The following CTNNA3 variants were observed in gnomAD, a reference collection of about 807,000 sequenced individuals.
CTNNA3 encodes the protein catenin alpha-3.
Under a neutral mutation model 95.7 loss-of-function variants are expected in CTNNA3, and 76 were observed. The ratio of observed to expected loss-of-function variants is 0.79; its 90% CI spans 0.66 to 0.96. The LOEUF (loss-of-function observed/expected upper bound fraction) is 0.96, where lower values mean the gene tolerates loss of function less well. Among genes scored for constraint, CTNNA3 ranks in the 40% least tolerant of loss-of-function variants. The pLI, the probability that CTNNA3 is intolerant of heterozygous loss-of-function variation, is 0.00. For missense variants in CTNNA3, 1,191 were observed against 1,089.8 expected, an observed-to-expected ratio of 1.09 and a Z score of -1.31; for synonymous variants, 431 against 374.4, an observed-to-expected ratio of 1.15 and a Z score of -1.74.
At chr10:67,364,658 A>G (rs895879760) in intron 5 of CTNNA3, among the ~76,000 whole-genome samples, 1 of 152,194 alleles carries the variant, frequency 6.6e-6, no homozygotes, top group African/African-American at 2.4e-5. Flanking sequence ...CTAGGAATCC[A>G]ACTTAAAAGT....
At chr10:67,433,306 C>T (rs978102203) in intron 5 of CTNNA3, among the ~76,000 whole-genome samples, 1 of 152,102 alleles carries the variant, frequency 6.6e-6, no homozygotes, top group African/African-American at 2.4e-5. Context: ...TTAAGTTCAC[C>T]ATCTCAAATG....
chr10:67,581,756 A>G (rs985862870), intron 3 of CTNNA3, among the ~76,000 whole-genome samples: 5 of 152,244 alleles, frequency 3.3e-5, no homozygotes, highest in African/African-American at 9.6e-5. Context: ...TGGTCTATTC[A>G]GGGATTCAAC....
intron 9 of CTNNA3, among the ~76,000 whole-genome samples, chr10:66,738,327 T>G (rs1329749149): frequency 6.6e-6 from 1 of 152,220 alleles, no homozygotes; most frequent in East Asian, 1.9e-4. Context: ...CATAGTTAGC[T>G]GATTCTGTTT....
chr10:66,552,866 TC>T (rs1317071988), intron 10 of CTNNA3, among the ~76,000 whole-genome samples: 2 of 152,078 alleles, frequency 1.3e-5, no homozygotes, highest in African/African-American at 4.8e-5. Flanking sequence ...TTCCTTTTTT[TC>T]CGTTTAGCCT....
Position 66,788,136 on chromosome 10 carries a change from T to A in CTNNA3, c.1048-12612A>T, listed in dbSNP as rs1271872116. Among the ~76,000 whole-genome samples, 3 of 152,306 alleles carry A rather than the reference T, an allele frequency of 2.0e-5. No homozygotes were observed. In the East Asian group the frequency reaches 5.8e-4, roughly 29 times the overall value. Reference sequence around the variant, plus strand: ...AAATTTCACTTAATCAATGATATCATCTAGTTTGATTCAGAGGGGTTCAGA... The same window carrying A: ...AAATTTCACTTAATCAATGATATCAACTAGTTTGATTCAGAGGGGTTCAGA... On this transcript the variant is annotated intron_variant, in intron 7 of 17. Coordinates refer to ENST00000433211, the MANE Select transcript of CTNNA3 (RefSeq NM_013266.4).
intron 11 of CTNNA3, among the ~76,000 whole-genome samples, chr10:66,448,330 T>A (rs1357078875): frequency 6.6e-6 from 1 of 152,180 alleles, no homozygotes; most frequent in Non-Finnish European, 1.5e-5. Flanking sequence ...TTACTGGGTA[T>A]ATACCCAAAG....
intron 1 of CTNNA3, among the ~76,000 whole-genome samples, chr10:67,731,558 T>C (rs1841274024): frequency 1.3e-5 from 2 of 151,948 alleles, no homozygotes; most frequent in South Asian, 4.2e-4. Flanking sequence ...ATCCCAGCAC[T>C]TTGGGAGGCC....
At chr10:66,778,319 C>T (rs538123511) in intron 7 of CTNNA3, among the ~76,000 whole-genome samples, 28 of 152,064 alleles carry the variant, frequency 1.8e-4, no homozygotes, top group Non-Finnish European at 3.2e-4. Flanking sequence ...GAAATAGCCC[C>T]GTCCTGCTTA....
chr10:66,301,625 A>T (rs927656352), intron 12 of CTNNA3, among the ~76,000 whole-genome samples: 1 of 151,962 alleles, frequency 6.6e-6, no homozygotes, highest in African/African-American at 2.4e-5. Flanking sequence ...AAGAAAAATC[A>T]CATAATAATA....
intron 13 of CTNNA3, among the ~76,000 whole-genome samples, chr10:66,117,724 A>T (rs781229079): frequency 2.0e-5 from 3 of 152,238 alleles, no homozygotes; most frequent in Non-Finnish European, 4.4e-5. Flanking sequence ...GTGTTTATGA[A>T]ATATCAAAGC....
At chr10:67,602,298 T>C (rs978648567) in intron 3 of CTNNA3, among the ~76,000 whole-genome samples, 2 of 152,176 alleles carry the variant, frequency 1.3e-5, no homozygotes, top group African/African-American at 4.8e-5. Context: ...ACCCCACCAC[T>C]GAGCTTAAAA....
At chr10:66,249,802 G>A (rs985793547) in intron 13 of CTNNA3, among the ~76,000 whole-genome samples, 1 of 151,996 alleles carries the variant, frequency 6.6e-6, no homozygotes, top group Non-Finnish European at 1.5e-5. Context: ...CCAGCTTGGG[G>A]GACAGAGCGA....
At chr10:67,266,391 AT>A (rs1866826734) in intron 5 of CTNNA3, among the ~76,000 whole-genome samples, 1 of 152,050 alleles carries the variant, frequency 6.6e-6, no homozygotes, top group Admixed American at 6.6e-5. Flanking sequence ...GGGCAATGAA[AT>A]GTGTTTGAAT....
At chr10:67,360,537 C>T (rs1434140485) in intron 5 of CTNNA3, among the ~76,000 whole-genome samples, 2 of 151,856 alleles carry the variant, frequency 1.3e-5, no homozygotes, top group Non-Finnish European at 2.9e-5. Context: ...TCAGTTTTCA[C>T]ATTGCTATAA....
At chr10:67,071,605 T>C (rs1333931357) in intron 7 of CTNNA3, among the ~76,000 whole-genome samples, 1 of 152,164 alleles carries the variant, frequency 6.6e-6, no homozygotes, top group East Asian at 1.9e-4. Context: ...ATTGTATTTA[T>C]CCTGCTTCAA....
At chr10:67,025,529 G>A (rs1853316885) in intron 7 of CTNNA3, among the ~76,000 whole-genome samples, 1 of 152,080 alleles carries the variant, frequency 6.6e-6, no homozygotes, top group Non-Finnish European at 1.5e-5. Context: ...TTTATTAAAA[G>A]GGTGAAAATG....
intron 3 of CTNNA3, among the ~76,000 whole-genome samples, chr10:67,554,827 C>A (rs113754332): frequency 2.6e-5 from 4 of 152,142 alleles, no homozygotes; most frequent in Non-Finnish European, 4.4e-5. Context: ...GAAGTCCTTG[C>A]GCATGCCTAT....
chr10:66,489,213 A>G (rs960700447), intron 11 of CTNNA3, among the ~76,000 whole-genome samples: 3 of 152,186 alleles, frequency 2.0e-5, no homozygotes, highest in Non-Finnish European at 4.4e-5. Flanking sequence ...CTCAGAAGCT[A>G]TTAACCTAGC....
At chr10:66,625,231 A>G (rs1044348164) in intron 9 of CTNNA3, among the ~76,000 whole-genome samples, 2 of 152,074 alleles carry the variant, frequency 1.3e-5, no homozygotes, top group Non-Finnish European at 2.9e-5. Flanking sequence ...TCTAAAATGT[A>G]TGGTATATTC....
Sources: allele counts gnomAD v4.1 joint callset (sites outside exome capture counted in the v4.1 genomes callset), GRCh38; gene constraint gnomAD v4.1.1; transcripts MANE v1.5; gene names NCBI Gene and HGNC (gene_info 2026-07-23, HGNC 2026-07-21).